C1QTNF3: variants seen among roughly 807,000 people sequenced by gnomAD.
The protein encoded by C1QTNF3 is complement C1q tumor necrosis factor-related protein 3.
A neutral mutation model predicts 32.6 loss-of-function variants in C1QTNF3; 26 were observed. The observed-to-expected ratio is 0.80, with a 90% CI of 0.58 to 1.11. C1QTNF3 has a LOEUF of 1.11. Ranked by LOEUF, C1QTNF3 falls within the 50% of genes least tolerant of loss-of-function variation. C1QTNF3 has a pLI of 0.00. For missense variants in C1QTNF3, 362 were observed against 398.2 expected (o/e 0.91, Z 0.77); for synonymous variants, 155 against 146.0 (o/e 1.06, Z -0.44).
chr5:34,243,316 T>A, the C1QTNF3 span, among the ~76,000 whole-genome samples: 1 of 152,206 alleles, frequency 6.6e-6, no homozygotes, highest in Non-Finnish European at 1.5e-5. Flanking sequence ...AAATTAGATG[T>A]TGGCCAGGCT....
chr5:34,068,659 A>G, the C1QTNF3 span, among the ~76,000 whole-genome samples: 1 of 152,160 alleles, frequency 6.6e-6, no homozygotes, highest in African/African-American at 2.4e-5. Context: ...TGTCATACAT[A>G]AGTAATAGTA....
chr5:34,160,842 G>C, the C1QTNF3 span, among the ~76,000 whole-genome samples: 2 of 149,474 alleles, frequency 1.3e-5, no homozygotes, highest in African/African-American at 2.5e-5. Context: ...AAGAGAGAGA[G>C]AAAGAATGCT....
chr5:34,226,817 G>T, the C1QTNF3 span, among the ~76,000 whole-genome samples: 9 of 150,636 alleles, frequency 6.0e-5, no homozygotes, highest in Non-Finnish European at 1.2e-4. Flanking sequence ...AAAAGAAAGT[G>T]TTATTAAGAA....
the C1QTNF3 span, among the ~76,000 whole-genome samples, chr5:34,142,765 C>T: frequency 2.0e-5 from 3 of 152,264 alleles, no homozygotes; most frequent in Admixed American, 2.0e-4. Context: ...TGAAAACACC[C>T]AAAAAGAAAA....
the C1QTNF3 span, among the ~76,000 whole-genome samples, chr5:34,236,460 T>C: frequency 6.6e-6 from 1 of 151,942 alleles, no homozygotes; most frequent in Non-Finnish European, 1.5e-5. Context: ...TAAAATAATG[T>C]TCTATAAATG....
chr5:34,138,561 C>T, the C1QTNF3 span, among the ~76,000 whole-genome samples: 1 of 151,896 alleles, frequency 6.6e-6, no homozygotes, highest in African/African-American at 2.4e-5. Context: ...TTATATATGA[C>T]ATCATTAATC....
rs1191874226 is a variant in C1QTNF3 at position 34,018,204 on chromosome 5, T to C, written c.*2379A>G. Among the ~76,000 whole-genome samples, 1 of 151,902 alleles carries C rather than the reference T, an allele frequency of 6.6e-6. No homozygotes were observed. The highest frequency in any genetic ancestry group is 2.4e-5 in the African/African-American group (1 of 41,426). ...GGGATGATTAATTTTATACTAAATA[T>C]TTTGGGGAATTTTATAAATTTTCTA... On this transcript the variant is annotated 3_prime_UTR_variant, in exon 6 of 6. Transcript: ENST00000382065.
chr5:34,218,135 G>A, the C1QTNF3 span, among the ~76,000 whole-genome samples: 1 of 151,624 alleles, frequency 6.6e-6, no homozygotes, highest in Non-Finnish European at 1.5e-5. Flanking sequence ...ATTATCATAA[G>A]AACATAAGGA....
the C1QTNF3 span, among the ~76,000 whole-genome samples, chr5:34,059,076 A>T: frequency 1.3e-5 from 2 of 152,208 alleles, no homozygotes; most frequent in Admixed American, 1.3e-4. Context: ...CCTCTTAACA[A>T]TTGTATTCAT....
chr5:34,052,717 T>G, the C1QTNF3 span, among the ~76,000 whole-genome samples: 2 of 152,204 alleles, frequency 1.3e-5, no homozygotes, highest in Non-Finnish European at 2.9e-5. Context: ...CCACTCACTG[T>G]CAAATGTTGG....
intron 5 of C1QTNF3, among the ~76,000 whole-genome samples, chr5:34,022,494 C>T (rs1409054732): frequency 6.6e-6 from 1 of 152,198 alleles, no homozygotes; most frequent in Non-Finnish European, 1.5e-5. Flanking sequence ...TGACTCAGGG[C>T]TTTGAGCTGG....
the C1QTNF3 span, chr5:34,124,287 C>G: frequency 1.9e-6 from 1 of 518,536 alleles, no homozygotes; most frequent in Admixed American, 3.4e-5. Context: ...TAATCACATC[C>G]AAAAACATTG....
intron 3 of C1QTNF3, chr5:34,032,991 T>G: frequency 3.6e-6 from 1 of 277,702 alleles, no homozygotes; most frequent in Non-Finnish European, 6.7e-6. Context: ...TACATCTTAT[T>G]ACATTCTTAA....
the C1QTNF3 span, among the ~76,000 whole-genome samples, chr5:34,139,044 C>T: frequency 1.3e-5 from 2 of 151,890 alleles, no homozygotes. Flanking sequence ...AAGGAGGATT[C>T]CCAAATGATG....
At chr5:34,061,650 G>A in the C1QTNF3 span, among the ~76,000 whole-genome samples, 1 of 152,216 alleles carries the variant, frequency 6.6e-6, no homozygotes, top group African/African-American at 2.4e-5. Flanking sequence ...ACCCTCTGAA[G>A]CCATGGCCCC....
chr5:34,080,773 G>A, the C1QTNF3 span, among the ~76,000 whole-genome samples: 1 of 151,760 alleles, frequency 6.6e-6, no homozygotes, highest in Non-Finnish European at 1.5e-5. Flanking sequence ...AGCAGAGGAA[G>A]AGACAGAATG....
the C1QTNF3 span, among the ~76,000 whole-genome samples, chr5:34,210,654 GAAGA>G: frequency 1.3e-5 from 2 of 151,926 alleles, no homozygotes; most frequent in Non-Finnish European, 2.9e-5. Context: ...CCATTGGATA[GAAGA>G]CAGACATTAT....
the C1QTNF3 span, among the ~76,000 whole-genome samples, chr5:34,172,175 T>A: frequency 6.6e-6 from 1 of 152,176 alleles, no homozygotes; most frequent in Non-Finnish European, 1.5e-5. Context: ...GTAGTTCAAA[T>A]CCTATACATA....
intron 4 of C1QTNF3, 80 bp downstream of exon 4, chr5:34,028,674 C>A (rs1754537003): frequency 8.0e-7 from 1 of 1,254,322 alleles, no homozygotes. Flanking sequence ...CCGTCCCTCC[C>A]TCTCTTCTTT....
Sources: allele counts gnomAD v4.1 joint callset (sites outside exome capture counted in the v4.1 genomes callset), GRCh38; gene constraint gnomAD v4.1.1; transcripts MANE v1.5; gene names NCBI Gene and HGNC (gene_info 2026-07-23, HGNC 2026-07-21).